Variants in WRN observed in about 807,000 individuals in gnomAD.
WRN encodes bifunctional 3'-5' exonuclease/ATP-dependent helicase WRN.
A neutral mutation model predicts 180.7 loss-of-function variants in WRN; 149 were observed. That is an observed-to-expected ratio of 0.82 (90% confidence interval 0.72 to 0.94). WRN has a LOEUF of 0.94. WRN is among the 40% of genes least tolerant of loss of function. The pLI, the probability that WRN is intolerant of heterozygous loss-of-function variation, is 0.00. For missense variants in WRN, 1,661 were observed against 1,700.1 expected, an observed-to-expected ratio of 0.98 and a Z score of 0.40; for synonymous variants, 548 against 568.9, an observed-to-expected ratio of 0.96 and a Z score of 0.52.
At chr8:31,154,827 A>G (rs1803315726) in intron 32 of WRN, 72 bp downstream of exon 32, 1 of 1,580,254 alleles carries the variant, frequency 6.3e-7, no homozygotes, top group Non-Finnish European at 8.7e-7. Context: ...GCTTTTTAGT[A>G]TTAAAGTTCT....
Position 31,033,851 on chromosome 8 carries a change from A to T in WRN, c.-199A>T, listed in dbSNP as rs942463896. 2 of 152,408 alleles carry T rather than the reference A, an allele frequency of 1.3e-5. No individual in the cohort carries two copies. Among genetic ancestry groups the T allele is most frequent in the Non-Finnish European group, 2.9e-5 (2 of 68,206 alleles). 9.4% of individuals were successfully genotyped at this position (152,408 alleles called of 1,614,324 possible). On this transcript the variant is annotated 5_prime_UTR_variant, in exon 1 of 35. Transcript: ENST00000298139. The stretch of plus-strand genomic sequence containing the variant: ...GGGGAGGCGCCGGCTTGTACTCGGC[A>T]GCGCGGGAATAAAGTTTGCTGATTT...
chr8:31,115,249 G>A lies in WRN; in HGVS notation c.2274-1105G>A, dbSNP rs77300128. 4.3e-3 allele frequency among the ~76,000 whole-genome samples: 655 copies of A among 152,270 alleles called. 5 individuals carry two copies. Among genetic ancestry groups the A allele is most frequent in the Middle Eastern group, 0.01 (3 of 294 alleles). On this transcript the variant is annotated intron_variant, in intron 19 of 34. Transcript: ENST00000298139. The stretch of plus-strand genomic sequence containing the variant: ...AAACTTACATTTTTCACTCCATTAA[G>A]TAGTTCACTGTGAATTTTTGATATT...
chr8:31,082,929 AAG>A lies in WRN; in HGVS notation c.1270-768_1270-767del, dbSNP rs375081530. ...TCTTTATTCGTTAAATAAGAAGTAA[AAG>A]AACTTTTAAAAAATAAAATAACTTT... On this transcript the variant is annotated intron_variant, in intron 9 of 34. Transcript: ENST00000298139. 7.9e-5 allele frequency among the ~76,000 whole-genome samples: 12 copies of A among 152,322 alleles called. No homozygotes were observed. The East Asian group carries it at 2.1e-3, about 27-fold the overall frequency.
intron 11 of WRN, among the ~76,000 whole-genome samples, chr8:31,086,150 A>C (rs1813521489): frequency 6.6e-6 from 1 of 152,090 alleles, no homozygotes; most frequent in South Asian, 2.1e-4. Context: ...AGAAAAACAC[A>C]GAAGTTCCCC....
At chr8:31,170,381 A>T (rs1206505618) in intron 34 of WRN, among the ~76,000 whole-genome samples, 1 of 142,672 alleles carries the variant, frequency 7.0e-6, no homozygotes, top group African/African-American at 2.5e-5. Context: ...GCTGAGTTTG[A>T]TTATAAATTA....
chr8:31,112,759 G>A (rs1373799367), intron 19 of WRN, among the ~76,000 whole-genome samples: 1 of 151,906 alleles, frequency 6.6e-6, no homozygotes, highest in Admixed American at 6.6e-5. Flanking sequence ...GCTAATTTTT[G>A]TATTTTTTAG....
chr8:31,111,347 A>C (rs1801307124), intron 18 of WRN, among the ~76,000 whole-genome samples: 1 of 152,224 alleles, frequency 6.6e-6, no homozygotes, highest in South Asian at 2.1e-4. Context: ...GCTTAATTTA[A>C]TAAGACAAAG....
chr8:31,163,110 G>A (rs753954724), intron 33 of WRN, among the ~76,000 whole-genome samples: 5 of 152,208 alleles, frequency 3.3e-5, no homozygotes, highest in East Asian at 1.9e-4. Flanking sequence ...GTGTGCACAC[G>A]CGCACGCATG....
At chr8:31,133,760 T>A (rs1490589468) in intron 24 of WRN, among the ~76,000 whole-genome samples, 1 of 152,196 alleles carries the variant, frequency 6.6e-6, no homozygotes, top group Admixed American at 6.5e-5. Context: ...GAATTTTAGT[T>A]GTAAGGGACA....
rs1554522146 is a variant in WRN at position 31,085,174 on chromosome 8, T to G, written c.1359T>G (p.Ser453=). The change falls in exon 11 of 35, where the codon TCT becomes TCG. Residue 453 remains serine (S), a synonymous_variant. Transcript: ENST00000298139. ...AATACTTTTTTTTAAAGCATTTATC[T>G]CCCAATGATAATGAAAACGATACGT... is the stretch of plus-strand genomic sequence containing the variant. ...DLEMEMLKHL[S]PNDNENDTSY... 28 of 1,613,060 alleles carry G rather than the reference T, an allele frequency of 1.7e-5. No individual in the cohort carries two copies. The highest frequency in any genetic ancestry group is 2.4e-5 in the Non-Finnish European group (28 of 1,179,390).
rs71206302 is a variant in WRN at position 31,131,160 on chromosome 8, C to CTTTT, written c.2826-1199_2826-1196dup. On this transcript the variant is annotated intron_variant, in intron 23 of 34. Coordinates refer to ENST00000298139, the MANE Select transcript of WRN (RefSeq NM_000553.6). ...TGTGGTGGAACCAAATTGCAACTTTCTTTTTTTTTGAGACAGAGTTTTGCT... is the reference window on the plus strand; with the variant it reads ...TGTGGTGGAACCAAATTGCAACTTTCTTTTTTTTTTTTTGAGACAGAGTTTTGCT... Among the ~76,000 whole-genome samples the CTTTT allele has an allele frequency of 8.4e-5, 9 of 106,840 alleles. 1 individual carries two copies. Among genetic ancestry groups the CTTTT allele is most frequent in the African/African-American group, 2.1e-4 (6 of 28,190 alleles). The allele number at this position is 106,840 out of a possible 152,430, so 70.1% of individuals were successfully genotyped here. A position where few individuals can be genotyped will look rare whatever the true frequency, so the allele number is the denominator to read the frequency against.
Position 31,142,996 on chromosome 8 carries a change from A to G in WRN, c.3309+295A>G, listed in dbSNP as rs553466099. Among the ~76,000 whole-genome samples, 408 of 151,770 alleles carry G rather than the reference A, an allele frequency of 2.7e-3. 1 individual carries two copies. The highest frequency in any genetic ancestry group is 0.01 in the Middle Eastern group (3 of 292). On this transcript the variant is annotated intron_variant, in intron 27 of 34. Transcript: ENST00000298139. ...GTTATAATACTTATAGTTGATCAAA[A>G]AATTGATTCCTAAGTGTTCTTATTA...
chr8:31,137,805 G>A (rs886258671), intron 24 of WRN, among the ~76,000 whole-genome samples: 13 of 152,062 alleles, frequency 8.5e-5, no homozygotes, highest in Admixed American at 7.2e-4. Context: ...TTGTGCATGC[G>A]TGTGGTATAA....
rs1230370487 is a variant in WRN, at chr8:31,167,169, G to A, written c.4130G>A (p.Gly1377Asp). ...CDVNKRRCFP[G>D]SEEICSSSKR... ...GTCAACAAAAGGAGATGTTTTCCCG[G>A]TTCTGAAGAGATCTGTTCAAGTTCT... Residue 1377 changes from glycine (G) to aspartate (D), a missense_variant, in exon 34 of 35, where the codon GGT becomes GAT. Gly to Asp is a moderately conservative substitution (Grantham distance 94). Coordinates refer to ENST00000298139, the MANE Select transcript of WRN (RefSeq NM_000553.6). 1 of 1,613,256 alleles carries A rather than the reference G, an allele frequency of 6.2e-7. No homozygotes were observed. The highest frequency in any genetic ancestry group is 1.1e-5 in the South Asian group (1 of 91,054).
chr8:31,159,566 G>A (rs1803526448), intron 33 of WRN, among the ~76,000 whole-genome samples: 1 of 151,764 alleles, frequency 6.6e-6, no homozygotes, highest in Admixed American at 6.6e-5. Context: ...AGAAAATAAA[G>A]GTCTGAGATG....
At chr8:31,124,456 T>TAA in intron 21 of WRN, 66 bp from the exon 22 acceptor site, 4 of 1,124,392 alleles carry the variant, frequency 3.6e-6, no homozygotes, top group Non-Finnish European at 3.8e-6. Context: ...AAAAAATAAG[T>TAA]AAAAAAAAAA....
chr8:31,135,935 A>G (rs922473548), intron 24 of WRN, among the ~76,000 whole-genome samples: 29 of 152,208 alleles, frequency 1.9e-4, no homozygotes, highest in Middle Eastern at 3.4e-3. Flanking sequence ...TCTTTATTCT[A>G]ACACTTAGCC....
intron 1 of WRN, among the ~76,000 whole-genome samples, chr8:31,051,106 G>A (rs1387184433): frequency 2.6e-5 from 4 of 151,696 alleles, no homozygotes; most frequent in Admixed American, 2.0e-4. Flanking sequence ...TTTAAAAAGA[G>A]TGGGATACTT....
At chr8:31,150,797 T>C (rs917008119) in intron 31 of WRN, among the ~76,000 whole-genome samples, 1 of 152,252 alleles carries the variant, frequency 6.6e-6, no homozygotes, top group Non-Finnish European at 1.5e-5. Flanking sequence ...TTATCCTTGC[T>C]ATGAGTTGGT....
Sources: gnomAD v4.1 joint callset for allele counts (sites outside exome capture counted in the v4.1 genomes callset) on GRCh38, gnomAD v4.1.1 for gene constraint, MANE v1.5 for transcripts, NCBI Gene and HGNC (gene_info 2026-07-23, HGNC 2026-07-21) for gene names.